PAK6: variants seen among roughly 807,000 people sequenced by gnomAD.
PAK6 encodes serine/threonine-protein kinase PAK 6.
PAK6 carries 33 observed loss-of-function variants against 60.8 expected under a neutral mutation model. The observed-to-expected ratio is 0.54, with a 90% CI of 0.41 to 0.73. The LOEUF (loss-of-function observed/expected upper bound fraction) is 0.73, where lower values mean the gene tolerates loss of function less well. Ranked by LOEUF, PAK6 falls within the 30% of genes least tolerant of loss-of-function variation. PAK6 has a pLI of 0.00. For synonymous variants in PAK6, 404 were observed against 378.5 expected (o/e 1.07, Z -0.78); for missense variants, 845 against 904.1 (o/e 0.93, Z 0.84).
exon 5 of PAK6, chr15:40,266,268 G>A (rs1228965092): frequency 6.2e-7 from 1 of 1,611,172 alleles, no homozygotes; most frequent in East Asian, 2.2e-5. Context: ...GCCCCCCACG[G>A]GCACCAATAG....
At chr15:40,265,013 G>A (rs2039083222) in intron 4 of PAK6, 24 bp downstream of exon 4, 1 of 1,603,414 alleles carries the variant, frequency 6.2e-7, no homozygotes, top group East Asian at 2.2e-5. Context: ...GCAGGGATGA[G>A]GTTCAGCCTC....
At chr15:40,265,992 G>GATGAGC in exon 5 of PAK6, 1 of 1,602,036 alleles carries the variant, frequency 6.2e-7, no homozygotes, top group Non-Finnish European at 8.5e-7. Flanking sequence ...GCTGCTGGGG[G>GATGAGC]ATGAGCACTG....
chr15:40,273,020 G>A lies in PAK6; in HGVS notation c.1490+21G>A, dbSNP rs371000678. 19 of 1,611,836 alleles carry A rather than the reference G, an allele frequency of 1.2e-5. No homozygotes were observed. In the African/African-American group the frequency reaches 1.9e-4, roughly 16 times the overall value. ...GTCAGGTGGGCAGCTGGGAGGGCTGGACCCTGAGTGCAGGCTGCCCTCACC... is the reference window on the plus strand; with the variant it reads ...GTCAGGTGGGCAGCTGGGAGGGCTGAACCCTGAGTGCAGGCTGCCCTCACC... On this transcript the variant is annotated intron_variant, in intron 7 of 10. Transcript: ENST00000560346.
chr15:40,240,653 G>A (rs1308543298), exon 2 of PAK6: 3 of 447,846 alleles, frequency 6.7e-6, no homozygotes, highest in South Asian at 1.6e-5. Context: ...GAGAACGCAG[G>A]ACCCCGCTGC....
At chr15:40,265,752 C>G in intron 4 of PAK6, 90 bp from the exon 5 acceptor site, 1 of 1,245,054 alleles carries the variant, frequency 8.0e-7, no homozygotes, top group Non-Finnish European at 1.1e-6. Flanking sequence ...CCCAGGGCCC[C>G]CAGGGACATT....
At chr15:40,266,903 C>T (rs531185122) in intron 5 of PAK6, 4 of 173,464 alleles carry the variant, frequency 2.3e-5, no homozygotes, top group South Asian at 1.8e-4. Context: ...GAGTGGAGCG[C>T]ACCTTTTTGC....
intron 2 of PAK6, among the ~76,000 whole-genome samples, chr15:40,242,956 A>T (rs949518018): frequency 5.3e-5 from 8 of 152,168 alleles, no homozygotes; most frequent in Admixed American, 1.3e-4. Context: ...GGGGATGCTC[A>T]TAGCCCTGCA....
intron 2 of PAK6, among the ~76,000 whole-genome samples, chr15:40,242,156 C>T (rs1248866095): frequency 6.6e-6 from 1 of 152,096 alleles, no homozygotes; most frequent in East Asian, 1.9e-4. Flanking sequence ...GAAAAGGCTG[C>T]CTGGGGTCCT....
At chr15:40,262,991 G>A (rs540924699) in intron 3 of PAK6, among the ~76,000 whole-genome samples, 15 of 152,264 alleles carry the variant, frequency 9.9e-5, no homozygotes, top group African/African-American at 3.4e-4. Context: ...ACCTCTAGGG[G>A]GTGTTCGGTG....
intron 2 of PAK6, among the ~76,000 whole-genome samples, chr15:40,247,895 C>T (rs568063909): frequency 8.5e-5 from 13 of 152,264 alleles, no homozygotes; most frequent in African/African-American, 3.1e-4. Flanking sequence ...GTGTGCATGC[C>T]CAGGGTCGGG....
intron 2 of PAK6, among the ~76,000 whole-genome samples, chr15:40,244,055 G>C (rs1191468676): frequency 6.6e-6 from 1 of 152,238 alleles, no homozygotes; most frequent in African/African-American, 2.4e-5. Context: ...TCGTGGGCAA[G>C]GTGCAGTGGC....
At chr15:40,242,765 G>A (rs1032442401) in intron 2 of PAK6, among the ~76,000 whole-genome samples, 11 of 152,328 alleles carry the variant, frequency 7.2e-5, no homozygotes, top group East Asian at 3.9e-4. Flanking sequence ...GGGCTAAAGC[G>A]AGAAGAGTGA....
chr15:40,273,724 C>T, intron 9 of PAK6, 48 bp downstream of exon 9: 1 of 1,599,974 alleles, frequency 6.3e-7, no homozygotes, highest in Non-Finnish European at 8.5e-7. Flanking sequence ...AACTTGGCAA[C>T]TGGCAGCTCT....
intron 3 of PAK6, among the ~76,000 whole-genome samples, chr15:40,262,864 T>C (rs731497): frequency 0.39 from 59,894 of 152,042 alleles, 12,545 homozygotes; most frequent in African/African-American, 0.52. Context: ...ATTTCAGTTA[T>C]TTGTTCAAAA....
intron 2 of PAK6, among the ~76,000 whole-genome samples, chr15:40,242,870 C>G (rs1420049595): frequency 6.6e-6 from 1 of 152,180 alleles, no homozygotes; most frequent in Non-Finnish European, 1.5e-5. Flanking sequence ...CAGATGACAG[C>G]CATGGCCTGA....
upstream of PAK6, chr15:40,239,173 A>T (rs2038246601): frequency 6.6e-6 from 1 of 152,168 alleles, no homozygotes; most frequent in African/African-American, 2.4e-5. Flanking sequence ...GGCGCGCCGC[A>T]GCCGGGGCCG....
chr15:40,264,453 G>A (rs1075507), intron 3 of PAK6: 53,641 of 496,408 alleles, frequency 0.11, 3,815 homozygotes, highest in African/African-American at 0.24. Flanking sequence ...ACAGTGGAAT[G>A]ATACTTGTAA....
chr15:40,267,782 CTG>C (rs2039187722), intron 5 of PAK6, among the ~76,000 whole-genome samples: 1 of 152,218 alleles, frequency 6.6e-6, no homozygotes, highest in African/African-American at 2.4e-5. Flanking sequence ...ACACGAGCAT[CTG>C]TGAGCTGCAG....
rs112103426 is a variant in PAK6 at position 40,241,341 on chromosome 15, C to T, written c.-118+660C>T. 5.7e-3 allele frequency among the ~76,000 whole-genome samples: 870 copies of T among 152,310 alleles called. 5 individuals are homozygous for T. The highest frequency in any genetic ancestry group is 0.02 in the African/African-American group (836 of 41,566). On this transcript the variant is annotated intron_variant, in intron 2 of 10. Transcript: ENST00000560346. ...TGTACACCAAGAGGTTTGTGCCGTTCTGCCTGGGGTCTTCCTGAGGCTGGT... is the reference window on the plus strand; with the variant it reads ...TGTACACCAAGAGGTTTGTGCCGTTTTGCCTGGGGTCTTCCTGAGGCTGGT...
Sources: allele counts gnomAD v4.1 joint callset (sites outside exome capture counted in the v4.1 genomes callset), GRCh38; gene constraint gnomAD v4.1.1; transcripts MANE v1.5; gene names NCBI Gene and HGNC (gene_info 2026-07-23, HGNC 2026-07-21).